KIF16B: variants seen among roughly 807,000 people sequenced by gnomAD.
The protein encoded by KIF16B is kinesin-like protein KIF16B.
In KIF16B, 98 loss-of-function variants were observed where a neutral mutation model predicts 156.3. The observed-to-expected ratio is 0.63, with a 90% CI of 0.53 to 0.74. KIF16B has a LOEUF of 0.74. KIF16B is among the 30% of genes least tolerant of loss of function. KIF16B has a pLI of 0.00. For missense variants in KIF16B, 1,421 were observed against 1,606.5 expected (o/e 0.88, Z 1.97); for synonymous variants, 564 against 583.7 (o/e 0.97, Z 0.49).
intron 17 of KIF16B, chr20:16,382,274 T>C: frequency 3.3e-6 from 1 of 303,940 alleles, no homozygotes; most frequent in South Asian, 3.9e-5. Flanking sequence ...AAACATCTTT[T>C]TATAAATATC....
chr20:16,368,358 G>A, intron 22 of KIF16B: 1 of 988,996 alleles, frequency 1.0e-6, no homozygotes, highest in Non-Finnish European at 1.2e-6. Flanking sequence ...TCTCGCTGCT[G>A]CCAACCCGAG....
intron 12 of KIF16B, among the ~76,000 whole-genome samples, chr20:16,467,423 G>C (rs1468873561): frequency 6.6e-6 from 1 of 152,174 alleles, no homozygotes; most frequent in Non-Finnish European, 1.5e-5. Flanking sequence ...CAGTTTTGAA[G>C]AGACTGAAAA....
intron 22 of KIF16B, chr20:16,368,574 G>A: frequency 1.0e-6 from 1 of 985,926 alleles, no homozygotes; most frequent in Non-Finnish European, 1.2e-6. Flanking sequence ...CTTTATAAAG[G>A]TCTGAGAACT....
chr20:16,558,638 C>T (rs1452160937), intron 1 of KIF16B, among the ~76,000 whole-genome samples: 1 of 152,228 alleles, frequency 6.6e-6, no homozygotes, highest in Non-Finnish European at 1.5e-5. Flanking sequence ...TGCGATGGCT[C>T]ACGCCTGTAA....
chr20:16,339,370 A>G (rs1220544059), intron 23 of KIF16B, among the ~76,000 whole-genome samples: 1 of 151,882 alleles, frequency 6.6e-6, no homozygotes, highest in African/African-American at 2.4e-5. Context: ...TTCATCTGGG[A>G]TTTCTCATCT....
intron 3 of KIF16B, among the ~76,000 whole-genome samples, chr20:16,520,340 G>C (rs545067794): frequency 6.6e-6 from 1 of 152,182 alleles, no homozygotes; most frequent in East Asian, 1.9e-4. Flanking sequence ...GAGCTTAGTG[G>C]GGGGAGGGGC....
In KIF16B at chr20:16,273,109, G is replaced by A. The variant is rs1301245719; in HGVS notation, c.*144C>T. On this transcript the variant is annotated 3_prime_UTR_variant, in exon 26 of 26. Coordinates refer to ENST00000354981, the MANE Select transcript of KIF16B (RefSeq NM_024704.5). ...AAACTCAGGCACTAGGTATGGAAAC[G>A]TGAGGTGGCCCGGGCCCGCTGCTGC... 8.6e-6 allele frequency: 6 copies of A among 699,282 alleles called. No homozygotes were observed. Among genetic ancestry groups the A allele is most frequent in the African/African-American group, 1.8e-5 (1 of 56,244 alleles). 43.3% of individuals were successfully genotyped at this position (699,282 alleles called of 1,614,324 possible). A position where few individuals can be genotyped will look rare whatever the true frequency, so the allele number is the denominator to read the frequency against.
intron 10 of KIF16B, among the ~76,000 whole-genome samples, chr20:16,502,753 A>T (rs1423685228): frequency 6.6e-6 from 1 of 152,228 alleles, no homozygotes; most frequent in Non-Finnish European, 1.5e-5. Flanking sequence ...AGTTAATTTT[A>T]AAAAGATAAT....
intron 12 of KIF16B, among the ~76,000 whole-genome samples, chr20:16,489,906 A>G (rs545403123): frequency 4.6e-5 from 7 of 152,138 alleles, no homozygotes; most frequent in Non-Finnish European, 8.8e-5. Context: ...ACTGAGCTGT[A>G]CTTCAGCCAT....
intron 12 of KIF16B, among the ~76,000 whole-genome samples, chr20:16,490,007 C>T (rs934300905): frequency 6.6e-6 from 1 of 152,030 alleles, no homozygotes; most frequent in Non-Finnish European, 1.5e-5. Flanking sequence ...AAGAGCATCA[C>T]TGGGACAGGA....
intron 22 of KIF16B, among the ~76,000 whole-genome samples, chr20:16,357,037 T>C (rs1398481084): frequency 6.6e-6 from 1 of 152,214 alleles, no homozygotes; most frequent in East Asian, 1.9e-4. Flanking sequence ...ATTTATGGCC[T>C]GGGCAGTGGG....
chr20:16,280,132 G>A (rs2063123873), intron 25 of KIF16B, among the ~76,000 whole-genome samples: 1 of 152,240 alleles, frequency 6.6e-6, no homozygotes, highest in Non-Finnish European at 1.5e-5. Context: ...CTGGAAAAAT[G>A]TGGGCAAAAT....
At chr20:16,275,076 C>T (rs1812489) in intron 25 of KIF16B, among the ~76,000 whole-genome samples, 72,751 of 146,042 alleles carry the variant, frequency 0.5, 19,037 homozygotes, top group East Asian at 0.97. Flanking sequence ...TTTTTTGAGA[C>T]GGAGTCTTGC....
intron 12 of KIF16B, among the ~76,000 whole-genome samples, chr20:16,491,294 T>C (rs1298433512): frequency 6.6e-6 from 1 of 152,118 alleles, no homozygotes; most frequent in Non-Finnish European, 1.5e-5. Flanking sequence ...CAGAAAGAAC[T>C]GTGCTAGGAC....
chr20:16,402,747 AC>A (rs113607817), intron 17 of KIF16B, among the ~76,000 whole-genome samples: 5,133 of 152,284 alleles, frequency 0.034, 224 homozygotes, highest in African/African-American at 0.1. Context: ...ATGAGCACAG[AC>A]AGTGGACAGC....
At chr20:16,561,620 A>C (rs960228689) in intron 1 of KIF16B, among the ~76,000 whole-genome samples, 31 of 152,200 alleles carry the variant, frequency 2.0e-4, no homozygotes, top group Admixed American at 1.5e-3. Flanking sequence ...GGAAAAAAAA[A>C]ATAAAACATT....
chr20:16,477,064 G>A (rs1461461587), intron 12 of KIF16B, among the ~76,000 whole-genome samples: 1 of 152,010 alleles, frequency 6.6e-6, no homozygotes, highest in African/African-American at 2.4e-5. Context: ...CGTTTTTAAA[G>A]GTAAATAAGG....
chr20:16,370,766 C>T, intron 21 of KIF16B, 130 bp from the exon 22 acceptor site: 1 of 668,298 alleles, frequency 1.5e-6, no homozygotes. Context: ...CAATGACAAC[C>T]CTTCTATATA....
At position 16,511,518 on chromosome 20, in the gene KIF16B, T is replaced by C. The variant is rs16997775; in HGVS notation, c.456A>G (p.Glu152=). ...ASFRTEVSYL[E]IYNERVRDLL... is the part of the protein sequence containing the mutation. ...GATCTCTCACACGTTCGTTATAAAT[T>C]TCTAAGTAGCTAAAAATTTAAAATA... Residue 152 remains glutamate, a synonymous_variant, in exon 6 of 26, where the codon GAA becomes GAG. Coordinates refer to ENST00000354981, the MANE Select transcript of KIF16B (RefSeq NM_024704.5). 3.6e-3 allele frequency: 5,688 copies of C among 1,595,946 alleles called. 184 individuals are homozygous for C. In the African/African-American group the frequency reaches 0.067, roughly 19 times the overall value.
Sources: gnomAD v4.1 joint callset for allele counts (sites outside exome capture counted in the v4.1 genomes callset) on GRCh38, gnomAD v4.1.1 for gene constraint, MANE v1.5 for transcripts, NCBI Gene and HGNC (gene_info 2026-07-23, HGNC 2026-07-21) for gene names.